The following PPARGC1B variants were observed in gnomAD, a reference collection of about 807,000 sequenced individuals.
PPARGC1B encodes the protein peroxisome proliferator-activated receptor gamma coactivator 1-beta.
A neutral mutation model predicts 101.6 loss-of-function variants in PPARGC1B; 34 were observed. The ratio of observed to expected loss-of-function variants is 0.33; its 90% CI spans 0.25 to 0.45. The LOEUF (loss-of-function observed/expected upper bound fraction) is 0.45, where lower values mean the gene tolerates loss of function less well. Ranked by LOEUF, PPARGC1B falls within the 20% of genes least tolerant of loss-of-function variation. PPARGC1B has a pLI of 1.00. For missense variants in PPARGC1B, 1,234 were observed against 1,317.6 expected (o/e 0.94, Z 0.98); for synonymous variants, 548 against 539.3 (o/e 1.02, Z -0.22).
At chr5:149,751,276 A>G (rs1284519185) in intron 1 of PPARGC1B, among the ~76,000 whole-genome samples, 1 of 152,094 alleles carries the variant, frequency 6.6e-6, no homozygotes, top group Non-Finnish European at 1.5e-5. Flanking sequence ...CTTTTTATTT[A>G]TTTATTTACT....
chr5:149,830,055 G>GAA (rs71587791), intron 3 of PPARGC1B, among the ~76,000 whole-genome samples: 5 of 89,814 alleles, frequency 5.6e-5, no homozygotes, highest in Non-Finnish European at 8.3e-5. Flanking sequence ...AAAAAAAAAA[G>GAA]AAAAAAAAAA....
intron 1 of PPARGC1B, among the ~76,000 whole-genome samples, chr5:149,744,256 C>T (rs138037228): frequency 1.3e-5 from 2 of 152,188 alleles, no homozygotes; most frequent in Non-Finnish European, 2.9e-5. Context: ...GCACATGGTT[C>T]TTACAAGCTT....
intron 1 of PPARGC1B, among the ~76,000 whole-genome samples, chr5:149,819,076 G>T (rs1021499149): frequency 6.6e-6 from 1 of 152,216 alleles, no homozygotes; most frequent in Non-Finnish European, 1.5e-5. Flanking sequence ...GTGAGAAATT[G>T]ATTGGCTTCT....
intron 1 of PPARGC1B, among the ~76,000 whole-genome samples, chr5:149,753,798 AT>A (rs1755406983): frequency 6.6e-6 from 1 of 151,916 alleles, no homozygotes; most frequent in African/African-American, 2.4e-5. Context: ...ACAACAAGCA[AT>A]TCTCCTGCCT....
Position 149,847,657 on chromosome 5 carries a change from C to T in PPARGC1B, c.*99C>T, listed in dbSNP as rs542387400. 41 of 883,858 alleles carry T rather than the reference C, an allele frequency of 4.6e-5. No individual in the cohort carries two copies. The highest frequency in any genetic ancestry group is 2.3e-4 in the Middle Eastern group (1 of 4,392). 54.8% of individuals were successfully genotyped at this position (883,858 alleles called of 1,614,324 possible). A position where few individuals can be genotyped will look rare whatever the true frequency, so the allele number is the denominator to read the frequency against. On this transcript the variant is annotated 3_prime_UTR_variant, in exon 12 of 12. Coordinates refer to ENST00000309241, the MANE Select transcript of PPARGC1B (RefSeq NM_133263.4). ...AAATCAAGTATATGAGGAGAGCGAG[C>T]GAGCGTGAGAGAACACCCGTGAGAG... is the stretch of plus-strand genomic sequence containing the variant.
chr5:149,830,827 G>T lies in PPARGC1B; in HGVS notation c.526G>T (p.Gly176Trp). Residue 176 changes from glycine to tryptophan, a missense_variant, in exon 4 of 12, where the codon GGG (glycine) becomes TGG (tryptophan). Physicochemically the swap from Gly to Trp is radical, Grantham distance 184. Around this residue, in one of 3 missense-constraint regions of PPARGC1B, gnomAD observed 734 missense variants for 768.4 expected, o/e 0.96. Transcript: ENST00000309241. ...ATCAAGCTCTGACACCCAGAAGGAA[G>T]GGACCGCCTGGCGCCAGGCAGGCCT... ...PTSSSDTQKE[G>W]TAWRQAGLRS... The T allele has an allele frequency of 6.2e-7, 1 of 1,614,208 alleles. No individual in the cohort carries two copies. Among genetic ancestry groups the T allele is most frequent in the Non-Finnish European group, 8.5e-7 (1 of 1,180,022 alleles).
intron 1 of PPARGC1B, among the ~76,000 whole-genome samples, chr5:149,801,813 G>A (rs1275985945): frequency 6.6e-6 from 1 of 152,134 alleles, no homozygotes; most frequent in East Asian, 1.9e-4. Flanking sequence ...CTGGGTGTGA[G>A]GAAGCTACAG....
intron 1 of PPARGC1B, among the ~76,000 whole-genome samples, chr5:149,773,367 G>A (rs1340724291): frequency 2.0e-5 from 3 of 152,260 alleles, no homozygotes; most frequent in African/African-American, 7.2e-5. Flanking sequence ...TTGTGCAGCT[G>A]GTGCATGGGT....
intron 1 of PPARGC1B, among the ~76,000 whole-genome samples, chr5:149,794,351 A>G (rs1757128656): frequency 6.6e-6 from 1 of 152,242 alleles, no homozygotes; most frequent in African/African-American, 2.4e-5. Flanking sequence ...GACAGTGTCT[A>G]ATTTAACTCT....
chr5:149,789,355 T>G, intron 1 of PPARGC1B, among the ~76,000 whole-genome samples: 1 of 152,230 alleles, frequency 6.6e-6, no homozygotes, highest in Non-Finnish European at 1.5e-5. Flanking sequence ...TGCAGACTTA[T>G]GTACACAGGT....
At chr5:149,829,823 G>A (rs1758676547) in intron 3 of PPARGC1B, among the ~76,000 whole-genome samples, 1 of 151,854 alleles carries the variant, frequency 6.6e-6, no homozygotes, top group Non-Finnish European at 1.5e-5. Flanking sequence ...ATCGCTTAAG[G>A]TCAGGAGTTT....
rs975391795 is a variant in PPARGC1B at position 149,826,848 on chromosome 5, C to G, written c.428C>G (p.Pro143Arg). ...CCCCCCAGCCCTGCCCCGGAGAAGC[C>G]CTCGGCCCCAGCCCCTGAGGTGGAC... is the stretch of plus-strand genomic sequence containing the variant. ...SAPPSPAPEK[P>R]SAPAPEVDEL... Residue 143 changes from proline to arginine, a missense_variant, in exon 3 of 12, where the codon CCC becomes CGC. By Grantham distance (103) the Pro-to-Arg change is moderately radical. Coordinates refer to ENST00000309241, the MANE Select transcript of PPARGC1B (RefSeq NM_133263.4). 6.2e-7 allele frequency: 1 copy of G among 1,613,514 alleles called. No homozygotes were observed. Among genetic ancestry groups the G allele is most frequent in the Non-Finnish European group, 8.5e-7 (1 of 1,179,682 alleles).
rs181151589 is a variant in PPARGC1B, at chr5:149,837,829, C to T, written c.2618+756C>T. 2.4e-3 allele frequency among the ~76,000 whole-genome samples: 360 copies of T among 152,280 alleles called. 2 individuals carry two copies. Among genetic ancestry groups the T allele is most frequent in the African/African-American group, 8.2e-3 (340 of 41,550 alleles). ...TTGAGGACAGTCAGTGTCATCATCC[C>T]CAGCCCTGTGTTGAGGTGAAGCTGA... On this transcript the variant is annotated intron_variant, in intron 8 of 11. Coordinates refer to ENST00000309241, the MANE Select transcript of PPARGC1B (RefSeq NM_133263.4). The surrounding 1 kb of genome is among the most constrained non-coding windows in gnomAD (Gnocchi z 4.2).
chr5:149,759,919 G>C (rs1160610192), intron 1 of PPARGC1B, among the ~76,000 whole-genome samples: 1 of 152,190 alleles, frequency 6.6e-6, no homozygotes, highest in East Asian at 1.9e-4. Flanking sequence ...TGAACCCAAG[G>C]CTTTTCCACT....
chr5:149,813,950 G>T (rs1191440951), intron 1 of PPARGC1B, among the ~76,000 whole-genome samples: 1 of 152,140 alleles, frequency 6.6e-6, no homozygotes, highest in Non-Finnish European at 1.5e-5. Context: ...TCCCATTCAT[G>T]ACCTCATCAC....
At chr5:149,825,832 GTCA>G (rs1453367687) in intron 2 of PPARGC1B, among the ~76,000 whole-genome samples, 2 of 152,170 alleles carry the variant, frequency 1.3e-5, no homozygotes, top group Non-Finnish European at 2.9e-5. Context: ...CGCCACCACT[GTCA>G]TCATCATCAT....
rs551761152 is a variant in PPARGC1B at position 149,764,860 on chromosome 5, T to A, written c.78+34440T>A. On this transcript the variant is annotated intron_variant, in intron 1 of 11. Coordinates refer to ENST00000309241, the MANE Select transcript of PPARGC1B (RefSeq NM_133263.4). ...AAAACCATACTGTTTAAGACCTGGCTGGATGAATGACTGACAAATTTGATC... is the reference window on the plus strand; with the variant it reads ...AAAACCATACTGTTTAAGACCTGGCAGGATGAATGACTGACAAATTTGATC... Among the ~76,000 whole-genome samples the A allele has an allele frequency of 7.9e-5, 12 of 152,354 alleles. No individual in the cohort carries two copies. In the South Asian group the frequency reaches 2.3e-3, roughly 29 times the overall value.
At chr5:149,737,993 CAAAA>C (rs1158599843) in intron 1 of PPARGC1B, among the ~76,000 whole-genome samples, 1 of 151,114 alleles carries the variant, frequency 6.6e-6, no homozygotes, top group Non-Finnish European at 1.5e-5. Flanking sequence ...GACTCTGTCT[CAAAA>C]AAAAGATTGT....
chr5:149,824,724 G>GGGT (rs1190590817), intron 2 of PPARGC1B, among the ~76,000 whole-genome samples: 2 of 152,170 alleles, frequency 1.3e-5, no homozygotes, highest in African/African-American at 4.8e-5. Context: ...TGTGGGTAGG[G>GGGT]GGTGGGGGCA....
Sources: allele counts gnomAD v4.1 joint callset (sites outside exome capture counted in the v4.1 genomes callset), GRCh38; gene constraint gnomAD v4.1.1; regional missense constraint gnomAD v4.1.1; non-coding constraint Gnocchi (gnomAD v3.1); transcripts MANE v1.5; gene names NCBI Gene and HGNC (gene_info 2026-07-23, HGNC 2026-07-21).